The following PRKN variants were observed in gnomAD, a reference collection of about 807,000 sequenced individuals.
The protein encoded by PRKN is parkin RBR E3 ubiquitin protein ligase.
In PRKN, 56 loss-of-function variants were observed where a neutral mutation model predicts 59.5. The observed-to-expected ratio is 0.94, with a 90% CI of 0.76 to 1.18. The LOEUF is 1.18. Among genes scored for constraint, PRKN ranks in the 50% most tolerant of loss-of-function variants. The probability of loss-of-function intolerance (pLI) is 0.00; values close to 1 mark genes in which losing one functional copy is unlikely to be tolerated. For missense variants in PRKN, 657 were observed against 596.4 expected (o/e 1.10, Z -1.06); for synonymous variants, 250 against 222.1 (o/e 1.13, Z -1.12).
chr6:162,226,429 A>G (rs1778184368), intron 3 of PRKN, among the ~76,000 whole-genome samples: 1 of 152,206 alleles, frequency 6.6e-6, no homozygotes, highest in Admixed American at 6.5e-5. Context: ...GCATGAAACC[A>G]GTCCTCACGA....
chr6:162,371,974 T>G (rs1206675527), intron 2 of PRKN, among the ~76,000 whole-genome samples: 1 of 152,162 alleles, frequency 6.6e-6, no homozygotes, highest in Non-Finnish European at 1.5e-5. Flanking sequence ...CTCCAGCACC[T>G]TCTTGACAGA....
At chr6:161,830,279 T>G (rs568653076) in intron 6 of PRKN, among the ~76,000 whole-genome samples, 90 of 149,604 alleles carry the variant, frequency 6.0e-4, no homozygotes, top group African/African-American at 2.2e-3. Context: ...TGAGATGGAG[T>G]CTCGCTCTGT....
intron 1 of PRKN, among the ~76,000 whole-genome samples, chr6:162,504,550 G>C (rs1037494257): frequency 1.3e-5 from 2 of 152,176 alleles, no homozygotes; most frequent in Non-Finnish European, 2.9e-5. Flanking sequence ...ACAGCATTCT[G>C]TATTAGTAGG....
intron 1 of PRKN, among the ~76,000 whole-genome samples, chr6:162,699,809 G>A (rs1778089612): frequency 6.6e-6 from 1 of 152,078 alleles, no homozygotes; most frequent in Admixed American, 6.6e-5. Context: ...CAGAGGATGA[G>A]GCTGTTCTCT....
chr6:161,939,254 C>T (rs891338761), intron 6 of PRKN, among the ~76,000 whole-genome samples: 6 of 151,180 alleles, frequency 4.0e-5, no homozygotes. Context: ...CCTGTCTCTA[C>T]TAAAAGTACA....
At chr6:161,406,555 T>G (rs921653133) in intron 9 of PRKN, among the ~76,000 whole-genome samples, 4 of 152,162 alleles carry the variant, frequency 2.6e-5, no homozygotes, top group Admixed American at 2.6e-4. Context: ...AACCACAGGA[T>G]TTTGAGTGCA....
chr6:162,441,375 T>C (rs1364151176), intron 2 of PRKN, among the ~76,000 whole-genome samples: 1 of 152,186 alleles, frequency 6.6e-6, no homozygotes, highest in Non-Finnish European at 1.5e-5. Flanking sequence ...CCCATCCTTT[T>C]TGGCAAGCAT....
intron 1 of PRKN, among the ~76,000 whole-genome samples, chr6:162,454,673 G>A (rs1351853432): frequency 9.9e-5 from 15 of 152,114 alleles, no homozygotes; most frequent in African/African-American, 1.9e-4. Context: ...CTCACACACC[G>A]TTCCTTCAAA....
At chr6:161,886,646 G>A (rs903525717) in intron 6 of PRKN, among the ~76,000 whole-genome samples, 8 of 151,884 alleles carry the variant, frequency 5.3e-5, no homozygotes, top group East Asian at 1.9e-4. Context: ...GCGGTGAGCC[G>A]AGATCGCGCC....
At chr6:162,205,239 T>C (rs1193775953) in intron 3 of PRKN, among the ~76,000 whole-genome samples, 1 of 152,190 alleles carries the variant, frequency 6.6e-6, no homozygotes, top group Non-Finnish European at 1.5e-5. Context: ...TTCCTTTCTT[T>C]TCTTGGTCAA....
intron 6 of PRKN, among the ~76,000 whole-genome samples, chr6:161,813,890 A>G (rs1388327123): frequency 6.6e-6 from 1 of 152,214 alleles, no homozygotes; most frequent in Non-Finnish European, 1.5e-5. Flanking sequence ...CACTGCCCAC[A>G]TCTCTGCAAA....
At chr6:161,515,328 T>G (rs1343485564) in intron 9 of PRKN, among the ~76,000 whole-genome samples, 1 of 152,192 alleles carries the variant, frequency 6.6e-6, no homozygotes, top group Non-Finnish European at 1.5e-5. Flanking sequence ...ATTAACCTGG[T>G]TAAGTTTTCT....
At chr6:162,489,055 G>C (rs2155496) in intron 1 of PRKN, among the ~76,000 whole-genome samples, 9,620 of 149,954 alleles carry the variant, frequency 0.064, 1,029 homozygotes, top group African/African-American at 0.22. Context: ...AAAGGAGCAG[G>C]GGTCCAGGGA....
intron 1 of PRKN, among the ~76,000 whole-genome samples, chr6:162,580,307 G>A (rs1780738286): frequency 6.6e-6 from 1 of 151,964 alleles, no homozygotes; most frequent in East Asian, 1.9e-4. Context: ...GTGTGGTGGT[G>A]CATGCCTGCA....
chr6:161,684,675 T>G (rs964866101), intron 7 of PRKN, among the ~76,000 whole-genome samples: 1 of 152,062 alleles, frequency 6.6e-6, no homozygotes, highest in Non-Finnish European at 1.5e-5. Flanking sequence ...TAAATATCTA[T>G]AGTTTTAAAG....
intron 4 of PRKN, among the ~76,000 whole-genome samples, chr6:162,098,937 C>T (rs757569697): frequency 2.0e-5 from 3 of 152,056 alleles, no homozygotes; most frequent in African/African-American, 4.8e-5. Context: ...GCCACCAGGA[C>T]GAATATACAA....
At chr6:162,075,807 C>A (rs977687454) in intron 4 of PRKN, among the ~76,000 whole-genome samples, 3 of 152,022 alleles carry the variant, frequency 2.0e-5, no homozygotes, top group African/African-American at 7.3e-5. Flanking sequence ...ATGTAACGAG[C>A]AGGCTTCCAA....
chr6:162,627,189 G>A (rs796090857), intron 1 of PRKN, among the ~76,000 whole-genome samples: 49 of 152,104 alleles, frequency 3.2e-4, no homozygotes, highest in African/African-American at 1.0e-3. Context: ...TGATACTTGG[G>A]CTCTGTCTTG....
chr6:161,814,199 T>TGA (rs914192448), intron 6 of PRKN, among the ~76,000 whole-genome samples: 12 of 152,170 alleles, frequency 7.9e-5, no homozygotes, highest in African/African-American at 2.9e-4. Flanking sequence ...CATTGTGCTG[T>TGA]GAGTGAATTA....
Sources: gnomAD v4.1 joint callset for allele counts (sites outside exome capture counted in the v4.1 genomes callset) on GRCh38, gnomAD v4.1.1 for gene constraint, MANE v1.5 for transcripts, NCBI Gene and HGNC (gene_info 2026-07-23, HGNC 2026-07-21) for gene names.